DOCK3: variants seen among roughly 807,000 people sequenced by gnomAD.
DOCK3 encodes the protein dedicator of cytokinesis protein 3.
A neutral mutation model predicts 265.6 loss-of-function variants in DOCK3; 60 were observed. The ratio of observed to expected loss-of-function variants is 0.23; its 90% CI spans 0.18 to 0.28. The LOEUF is 0.28. DOCK3 is among the 10% of genes least tolerant of loss of function. The pLI is 1.00. For missense variants in DOCK3, 1,981 were observed against 2,594.3 expected (o/e 0.76, Z 5.14); for synonymous variants, 881 against 938.0 (o/e 0.94, Z 1.11).
chr3:51,271,441 C>A (rs1404557043), intron 24 of DOCK3, among the ~76,000 whole-genome samples: 2 of 151,960 alleles, frequency 1.3e-5, no homozygotes, highest in African/African-American at 4.8e-5. Flanking sequence ...GCAGAAGGGG[C>A]AAGGCAGCTC....
chr3:50,706,757 G>C (rs936697138), intron 1 of DOCK3, among the ~76,000 whole-genome samples: 1 of 151,784 alleles, frequency 6.6e-6, no homozygotes, highest in Admixed American at 6.6e-5. Context: ...GGTGTCTTGT[G>C]TGTCTCATAG....
At chr3:50,697,418 C>T (rs7645212) in intron 1 of DOCK3, among the ~76,000 whole-genome samples, 118,726 of 151,664 alleles carry the variant, frequency 0.78, 47,528 homozygotes, top group Middle Eastern at 0.89. Flanking sequence ...GGTGAAACCC[C>T]GTCTTTACTA....
chr3:50,992,982 A>AT (rs1222133116), intron 5 of DOCK3, among the ~76,000 whole-genome samples: 1 of 152,242 alleles, frequency 6.6e-6, no homozygotes, highest in Non-Finnish European at 1.5e-5. Flanking sequence ...CCAGTGATGC[A>AT]TTAAGTACAT....
intron 27 of DOCK3, 83 bp from the exon 28 acceptor site, chr3:51,310,149 A>G (rs1166882180): frequency 9.5e-7 from 1 of 1,047,190 alleles, no homozygotes; most frequent in African/African-American, 1.6e-5. Context: ...CATTGTCATG[A>G]TCTAGTGGCG....
intron 2 of DOCK3, among the ~76,000 whole-genome samples, chr3:50,835,456 C>T (rs1376232433): frequency 6.6e-6 from 1 of 152,176 alleles, no homozygotes; most frequent in Non-Finnish European, 1.5e-5. Context: ...GAGCACCTGT[C>T]AAAGTTATAT....
rs151037734 is a variant in DOCK3 at position 50,775,487 on chromosome 3, T to G, written c.38-3188T>G. ...TTTGTTTCTTTTCTTTTTTCCTAAT[T>G]AGTTTTTCTAGATGTCTGTCAATGT... On this transcript the variant is annotated intron_variant, in intron 1 of 52. Coordinates refer to ENST00000266037, the MANE Select transcript of DOCK3 (RefSeq NM_004947.5). Among the ~76,000 whole-genome samples, 13 of 152,226 alleles carry G rather than the reference T, an allele frequency of 8.5e-5. No homozygotes were observed. The East Asian group carries it at 2.5e-3, about 29-fold the overall frequency.
chr3:51,332,749 A>G (rs537290641), intron 33 of DOCK3, among the ~76,000 whole-genome samples: 1 of 152,334 alleles, frequency 6.6e-6, no homozygotes, highest in African/African-American at 2.4e-5. Context: ...ACAGTCAGCC[A>G]TTGGCAAAGT....
chr3:51,172,931 C>G (rs1189231061), intron 12 of DOCK3, among the ~76,000 whole-genome samples: 1 of 152,106 alleles, frequency 6.6e-6, no homozygotes, highest in Non-Finnish European at 1.5e-5. Flanking sequence ...CTTTTAGTTA[C>G]CCCACCCAGT....
At chr3:50,827,125 T>C (rs940112190) in intron 2 of DOCK3, among the ~76,000 whole-genome samples, 1 of 152,144 alleles carries the variant, frequency 6.6e-6, no homozygotes, top group Non-Finnish European at 1.5e-5. Flanking sequence ...AAGCATGCCA[T>C]GTAAAAAGGA....
chr3:51,299,127 A>G (rs2082247865), intron 27 of DOCK3, among the ~76,000 whole-genome samples: 1 of 152,162 alleles, frequency 6.6e-6, no homozygotes, highest in African/African-American at 2.4e-5. Flanking sequence ...CTGGTGTGAG[A>G]TGCTGTATCA....
intron 1 of DOCK3, among the ~76,000 whole-genome samples, chr3:50,758,044 A>AGT (rs201628160): frequency 4.0e-5 from 6 of 151,334 alleles, no homozygotes; most frequent in Non-Finnish European, 7.4e-5. Flanking sequence ...CGGGAGTGGC[A>AGT]GTGTGTGTGT....
chr3:50,990,322 A>T (rs2078060159), intron 5 of DOCK3, among the ~76,000 whole-genome samples: 1 of 152,294 alleles, frequency 6.6e-6, no homozygotes, highest in South Asian at 2.1e-4. Context: ...GCAAGTTTCT[A>T]CACCAGATCA....
At chr3:51,075,564 T>A in intron 7 of DOCK3, 124 bp downstream of exon 7, 1 of 724,492 alleles carries the variant, frequency 1.4e-6, no homozygotes, top group Non-Finnish European at 2.3e-6. Context: ...CCAGTGTATT[T>A]AAGTGATATT....
chr3:51,263,748 C>A (rs902629120), intron 23 of DOCK3, among the ~76,000 whole-genome samples: 15 of 151,668 alleles, frequency 9.9e-5, no homozygotes, highest in Admixed American at 3.3e-4. Context: ...AATGGAAAAC[C>A]AAAAAAAGCA....
At chr3:50,793,446 C>T (rs768909416) in intron 2 of DOCK3, among the ~76,000 whole-genome samples, 1 of 150,606 alleles carries the variant, frequency 6.6e-6, no homozygotes, top group African/African-American at 2.4e-5. Flanking sequence ...GCAACCTCTA[C>T]GTCCTGGCTT....
rs1416480746 is a variant in DOCK3 at position 51,299,364 on chromosome 3, A to AT, written c.2923-10866dup. On this transcript the variant is annotated intron_variant, in intron 27 of 52. Coordinates refer to ENST00000266037, the MANE Select transcript of DOCK3 (RefSeq NM_004947.5). Reference sequence around the variant, plus strand: ...GCAGAAATTTTCTCCCATTCTATAGATTATCTGTTTACTCTGATGTTAGTT... The same window carrying AT: ...GCAGAAATTTTCTCCCATTCTATAGATTTATCTGTTTACTCTGATGTTAGTT... Among the ~76,000 whole-genome samples, 6 of 151,850 alleles carry AT rather than the reference A, an allele frequency of 4.0e-5. No homozygotes were observed. In the East Asian group the frequency reaches 1.2e-3, roughly 29 times the overall value.
chr3:50,716,237 G>A lies in DOCK3; in HGVS notation c.37+40937G>A, dbSNP rs111363906. On this transcript the variant is annotated intron_variant, in intron 1 of 52. Transcript: ENST00000266037. Reference sequence around the variant, plus strand: ...ATTGACAATGGCATTAATATTTTTGGGTGTAGTTGGCCAGGCGTGGTGGCT... The same window carrying A: ...ATTGACAATGGCATTAATATTTTTGAGTGTAGTTGGCCAGGCGTGGTGGCT... Among the ~76,000 whole-genome samples, 7 of 151,814 alleles carry A rather than the reference G, an allele frequency of 4.6e-5. 2 individuals are homozygous for A. The highest frequency in any genetic ancestry group is 1.7e-4 in the African/African-American group (7 of 41,440).
intron 1 of DOCK3, among the ~76,000 whole-genome samples, chr3:50,682,035 T>C (rs2034451356): frequency 6.6e-6 from 1 of 152,266 alleles, no homozygotes; most frequent in Non-Finnish European, 1.5e-5. Flanking sequence ...TAGTTTCTTA[T>C]AAGTCCTTGT....
intron 2 of DOCK3, among the ~76,000 whole-genome samples, chr3:50,793,578 G>A (rs1396689750): frequency 1.3e-5 from 2 of 151,664 alleles, no homozygotes; most frequent in African/African-American, 2.4e-5. Context: ...GGCTGGTCTC[G>A]AACTCCTGAT....
Sources: gnomAD v4.1 joint callset for allele counts (sites outside exome capture counted in the v4.1 genomes callset) on GRCh38, gnomAD v4.1.1 for gene constraint, MANE v1.5 for transcripts, NCBI Gene and HGNC (gene_info 2026-07-23, HGNC 2026-07-21) for gene names.